The following ZMYND11 variants were observed in gnomAD, a reference collection of about 807,000 sequenced individuals.
The protein encoded by ZMYND11 is zinc finger MYND-type containing 11.
In ZMYND11, 9 loss-of-function variants were observed where a neutral mutation model predicts 84.9. The ratio of observed to expected loss-of-function variants is 0.11; its 90% CI spans 0.06 to 0.18. The LOEUF is 0.18. ZMYND11 is among the 10% of genes least tolerant of loss of function. The pLI, the probability that ZMYND11 is intolerant of heterozygous loss-of-function variation, is 1.00. For synonymous variants in ZMYND11, 250 were observed against 244.1 expected (o/e 1.02, Z -0.23); for missense variants, 409 against 761.0 (o/e 0.54, Z 5.44).
chr10:252,323 G>C lies in ZMYND11; in HGVS notation c.1687-25G>C. On this transcript the variant is annotated intron_variant, in intron 14 of 14. Coordinates refer to ENST00000381604, the MANE Select transcript of ZMYND11 (RefSeq NM_001370100.5). The surrounding 1 kb of genome is among the most constrained non-coding windows in gnomAD (Gnocchi z 4.6). Reference sequence around the variant, plus strand: ...TTACACATCCACACCCAAGTCTAAAGACTGCCCCGATTTCTTACCTGCAGT... The same window carrying C: ...TTACACATCCACACCCAAGTCTAAACACTGCCCCGATTTCTTACCTGCAGT... 1.2e-6 allele frequency: 2 copies of C among 1,612,364 alleles called. No individual in the cohort carries two copies. The highest frequency in any genetic ancestry group is 1.7e-5 in the Admixed American group (1 of 59,888).
intron 2 of ZMYND11, among the ~76,000 whole-genome samples, chr10:205,996 T>C (rs1359410285): frequency 6.6e-6 from 1 of 151,724 alleles, no homozygotes; most frequent in Non-Finnish European, 1.5e-5. Context: ...GATAAATCAA[T>C]AGACCTGTCC....
intron 14 of ZMYND11, among the ~76,000 whole-genome samples, chr10:250,406 G>A (rs1035679302): frequency 9.2e-5 from 14 of 152,226 alleles, no homozygotes; most frequent in Admixed American, 9.2e-4. Flanking sequence ...AAGGTGGAAG[G>A]ATTGGTTGAG....
At chr10:194,416 A>T (rs1333673131) in intron 2 of ZMYND11, among the ~76,000 whole-genome samples, 1 of 152,174 alleles carries the variant, frequency 6.6e-6, no homozygotes, top group Non-Finnish European at 1.5e-5. Flanking sequence ...GTACAGGTGT[A>T]GGCATACGTT....
At chr10:147,598 TC>T (rs1211266233) in intron 1 of ZMYND11, among the ~76,000 whole-genome samples, 1 of 150,996 alleles carries the variant, frequency 6.6e-6, no homozygotes, top group African/African-American at 2.4e-5. Context: ...AAATTCTCTT[TC>T]AAGAATCAGA....
intron 1 of ZMYND11, among the ~76,000 whole-genome samples, chr10:157,257 T>C (rs1554759564): frequency 6.6e-6 from 1 of 152,176 alleles, no homozygotes; most frequent in East Asian, 1.9e-4. Flanking sequence ...TGGAATGCAG[T>C]GGTGCAATCT....
chr10:208,252 C>G (rs945851399), intron 2 of ZMYND11, among the ~76,000 whole-genome samples: 1 of 152,172 alleles, frequency 6.6e-6, no homozygotes, highest in African/African-American at 2.4e-5. Flanking sequence ...GACTTCGTGT[C>G]TAAAACACCA....
intron 5 of ZMYND11, 25 bp from the exon 6 acceptor site, chr10:237,560 A>C (rs776435608): frequency 6.8e-7 from 1 of 1,464,042 alleles, no homozygotes; most frequent in Admixed American, 2.0e-5. Context: ...ACCACATTTA[A>C]ATTGATGTAC....
Position 210,111 on chromosome 10 carries a change from A to G in ZMYND11, c.276+63A>G. The G allele has an allele frequency of 3.3e-6, 5 of 1,535,882 alleles. No homozygotes were observed. In the South Asian group the frequency reaches 5.8e-5, roughly 18 times the overall value. ...CTTTTAGCTTTTAAACATTATTTAG[A>G]TACAACCTATAGAAAATCATTTTCA... On this transcript the variant is annotated intron_variant, in intron 3 of 14. Transcript: ENST00000381604.
chr10:222,287 C>T (rs1386374731), intron 4 of ZMYND11, among the ~76,000 whole-genome samples: 3 of 152,114 alleles, frequency 2.0e-5, no homozygotes, highest in African/African-American at 7.2e-5. Context: ...AAGCAAACTA[C>T]AGTATATGTT....
At chr10:213,927 T>A (rs758381783) in intron 3 of ZMYND11, among the ~76,000 whole-genome samples, 13 of 152,232 alleles carry the variant, frequency 8.5e-5, no homozygotes, top group Non-Finnish European at 1.8e-4. Flanking sequence ...TGAACAAGAT[T>A]ACTTTTATGA....
chr10:131,448 C>T (rs1179636062), upstream of ZMYND11, among the ~76,000 whole-genome samples: 2 of 152,188 alleles, frequency 1.3e-5, no homozygotes, highest in African/African-American at 4.8e-5. Flanking sequence ...GTCAGCTCAG[C>T]TCCTCGGTTG....
At chr10:156,969 A>G (rs1201378838) in intron 1 of ZMYND11, among the ~76,000 whole-genome samples, 2 of 152,204 alleles carry the variant, frequency 1.3e-5, no homozygotes, top group Non-Finnish European at 2.9e-5. Context: ...AATGGCAGAC[A>G]AGAGGGTATT....
At chr10:189,182 G>C (rs778877853) in intron 2 of ZMYND11, among the ~76,000 whole-genome samples, 4 of 152,194 alleles carry the variant, frequency 2.6e-5, no homozygotes, top group Non-Finnish European at 5.9e-5. Context: ...TTCTCCTGGA[G>C]TTCTTCCTGT....
intron 2 of ZMYND11, among the ~76,000 whole-genome samples, chr10:207,780 G>A (rs28838966): frequency 6.6e-6 from 1 of 151,968 alleles, no homozygotes; most frequent in Non-Finnish European, 1.5e-5. Flanking sequence ...TTTCTTCACA[G>A]AATTGGAAAA....
intron 12 of ZMYND11, among the ~76,000 whole-genome samples, 184 bp downstream of exon 12, chr10:247,650 T>C (rs965792540): frequency 6.6e-6 from 1 of 152,226 alleles, no homozygotes; most frequent in Non-Finnish European, 1.5e-5. Context: ...TGTCATTATC[T>C]GTTACCCTGG....
chr10:234,460 G>A lies in ZMYND11; in HGVS notation c.439-2378G>A, dbSNP rs143891610. On this transcript the variant is annotated intron_variant, in intron 4 of 14. Transcript: ENST00000381604. Reference sequence around the variant, plus strand: ...GTGAATATTAAAATTATATTTCAGCGCTACATAACAGTGTTGGTTGTATCT... The same window carrying A: ...GTGAATATTAAAATTATATTTCAGCACTACATAACAGTGTTGGTTGTATCT... 2.7e-4 allele frequency among the ~76,000 whole-genome samples: 41 copies of A among 152,300 alleles called. No homozygotes were observed. The East Asian group carries it at 6.7e-3, about 25-fold the overall frequency.
chr10:185,941 C>T (rs745632965), intron 2 of ZMYND11, among the ~76,000 whole-genome samples: 1 of 151,782 alleles, frequency 6.6e-6, no homozygotes, highest in African/African-American at 2.4e-5. Flanking sequence ...AAGGAGTGTT[C>T]TCCATGTTGT....
At chr10:190,701 A>C (rs1202274453) in intron 2 of ZMYND11, among the ~76,000 whole-genome samples, 1 of 152,172 alleles carries the variant, frequency 6.6e-6, no homozygotes, top group Non-Finnish European at 1.5e-5. Flanking sequence ...GCGTCTCCCT[A>C]CTCAGTGTTC....
chr10:167,240 C>G (rs1193056677), intron 1 of ZMYND11, among the ~76,000 whole-genome samples: 1 of 151,962 alleles, frequency 6.6e-6, no homozygotes, highest in Admixed American at 6.6e-5. Flanking sequence ...ATGGCAAATT[C>G]TATATTAATA....
Sources: gnomAD v4.1 joint callset for allele counts (sites outside exome capture counted in the v4.1 genomes callset) on GRCh38, gnomAD v4.1.1 for gene constraint, Gnocchi (gnomAD v3.1) non-coding constraint, MANE v1.5 for transcripts, NCBI Gene and HGNC (gene_info 2026-07-23, HGNC 2026-07-21) for gene names.